The following CENPA variants were observed in gnomAD, a reference collection of about 807,000 sequenced individuals.
CENPA encodes histone H3-like centromeric protein A.
In CENPA, 7 loss-of-function variants were observed where a neutral mutation model predicts 17.2. The observed-to-expected ratio is 0.41, with a 90% CI of 0.23 to 0.76. CENPA has a LOEUF of 0.76. Among genes scored for constraint, CENPA ranks in the 30% least tolerant of loss-of-function variants. The pLI is 0.34. For synonymous variants in CENPA, 82 were observed against 77.4 expected (o/e 1.06, Z -0.31); for missense variants, 149 against 193.1 (o/e 0.77, Z 1.35).
At chr2:26,792,733 TC>T in intron 2 of CENPA, 22 bp from the exon 3 acceptor site, 1 of 1,601,802 alleles carries the variant, frequency 6.2e-7, no homozygotes, top group Non-Finnish European at 8.6e-7. Context: ...CTCCTACTCC[TC>T]CCCTTCCCCA....
chr2:26,790,396 G>C, intron 1 of CENPA, among the ~76,000 whole-genome samples: 1 of 151,982 alleles, frequency 6.6e-6, no homozygotes, highest in Non-Finnish European at 1.5e-5. Context: ...GTGCGAGCTT[G>C]GCTCACTGCA....
chr2:26,790,927 GGT>G (rs1664604679), intron 1 of CENPA, among the ~76,000 whole-genome samples: 1 of 152,160 alleles, frequency 6.6e-6, no homozygotes, highest in African/African-American at 2.4e-5. Context: ...TATCGAACTT[GGT>G]GTAGAGTCTC....
chr2:26,788,863 C>T (rs1158207757), intron 1 of CENPA, among the ~76,000 whole-genome samples: 3 of 152,036 alleles, frequency 2.0e-5, no homozygotes, highest in Non-Finnish European at 2.9e-5. Context: ...TTAGTAGAGA[C>T]GGGGTTTCAC....
chr2:26,786,278 C>T lies in CENPA; in HGVS notation c.82C>T (p.Arg28Trp). The change falls in exon 1 of 5, where the codon CGG becomes TGG. Residue 28 changes from arginine (R) to tryptophan (W), a missense_variant. Around this residue, in one of 2 missense-constraint regions of CENPA, gnomAD observed 95 missense variants for 87.5 expected, o/e 1.09. Coordinates refer to ENST00000335756, the MANE Select transcript of CENPA (RefSeq NM_001809.4). ...CCCGACCCCGACCCCCGGCCCCTCCCGGCGGGGCCCCTCCTTAGGTAACCG... is the reference window on the plus strand; with the variant it reads ...CCCGACCCCGACCCCCGGCCCCTCCTGGCGGGGCCCCTCCTTAGGTAACCG... ...PSPTPTPGPS[R>W]RGPSLGASSH... The T allele has an allele frequency of 7.4e-7, 1 of 1,343,146 alleles. No individual in the cohort carries two copies. Among genetic ancestry groups the T allele is most frequent in the Admixed American group, 4.1e-5 (1 of 24,514 alleles). 83.2% of individuals were successfully genotyped at this position (1,343,146 alleles called of 1,614,324 possible). A position where few individuals can be genotyped will look rare whatever the true frequency, so the allele number is the denominator to read the frequency against.
In CENPA at chr2:26,792,111, C is replaced by G; in HGVS notation, c.101-20C>G. 2 of 1,609,806 alleles carry G rather than the reference C, an allele frequency of 1.2e-6. No individual in the cohort carries two copies. Among genetic ancestry groups the G allele is most frequent in the Non-Finnish European group, 1.7e-6 (2 of 1,177,476 alleles). ...GAGGCACCACCTATTTTCCACTGAA[C>G]TTACCTTTCTTTTGCTCAGGCGCTT... On this transcript the variant is annotated intron_variant, in intron 1 of 4. Transcript: ENST00000335756.
intron 1 of CENPA, among the ~76,000 whole-genome samples, chr2:26,790,552 C>T (rs1468776932): frequency 1.3e-5 from 2 of 152,198 alleles, no homozygotes; most frequent in Non-Finnish European, 2.9e-5. Context: ...TCTCGAACTC[C>T]TGACCTCAGG....
intron 1 of CENPA, among the ~76,000 whole-genome samples, chr2:26,787,117 G>A (rs1258289177): frequency 6.6e-6 from 1 of 152,232 alleles, no homozygotes; most frequent in African/African-American, 2.4e-5. Flanking sequence ...TGTTACCCAG[G>A]CTGGTCTCAA....
chr2:26,793,380 T>C, intron 4 of CENPA, 54 bp downstream of exon 4: 3 of 1,493,106 alleles, frequency 2.0e-6, no homozygotes, highest in Non-Finnish European at 2.7e-6. Flanking sequence ...AGTAATTTCC[T>C]TTCTCCATCC....
At chr2:26,792,988 G>T (rs754572151) in intron 3 of CENPA, among the ~76,000 whole-genome samples, 155 bp downstream of exon 3, 1 of 152,150 alleles carries the variant, frequency 6.6e-6, no homozygotes, top group Non-Finnish European at 1.5e-5. Flanking sequence ...TGGATTCTGC[G>T]TGGTGATAGC....
At position 26,793,304 on chromosome 2, in the gene CENPA, A is replaced by C; in HGVS notation, c.*25A>C. On this transcript the variant is annotated 3_prime_UTR_variant, in exon 4 of 5. Coordinates refer to ENST00000335756, the MANE Select transcript of CENPA (RefSeq NM_001809.4). ...AGCTCCTGCACCCAGTGTTTCTGTC[A>C]GTCTTTCCTGCTCAGCCAGGGGGTA... The C allele has an allele frequency of 6.2e-7, 1 of 1,612,296 alleles. No homozygotes were observed. The highest frequency in any genetic ancestry group is 1.1e-5 in the South Asian group (1 of 90,786).
Position 26,786,258 on chromosome 2 carries a change from C to A in CENPA, c.62C>A (p.Thr21Asn). The A allele has an allele frequency of 1.5e-6, 2 of 1,363,382 alleles. No homozygotes were observed. The highest frequency in any genetic ancestry group is 1.7e-5 in the South Asian group (1 of 58,614). The allele number at this position is 1,363,382 out of a possible 1,614,324, so 84.5% of individuals were successfully genotyped here. Reference protein sequence around the residue: ...EAPRRRSPSPTPTPGPSRRGP... With the variant: ...EAPRRRSPSPNPTPGPSRRGP... ...CCGAGGAGGCGCAGCCCGAGCCCGA[C>A]CCCGACCCCCGGCCCCTCCCGGCGG... Residue 21 changes from threonine to asparagine, a missense_variant, in exon 1 of 5, where the codon ACC (threonine) becomes AAC (asparagine). Thr to Asn is a moderately conservative substitution (Grantham distance 65). Coordinates refer to ENST00000335756, the MANE Select transcript of CENPA (RefSeq NM_001809.4).
intron 1 of CENPA, 22 bp from the exon 2 acceptor site, chr2:26,792,109 A>AACTT (rs1455135711): frequency 8.7e-6 from 14 of 1,609,140 alleles, no homozygotes; most frequent in Non-Finnish European, 1.2e-5. Context: ...TTTTCCACTG[A>AACTT]ACTTACCTTT....
intron 4 of CENPA, among the ~76,000 whole-genome samples, 190 bp downstream of exon 4, chr2:26,793,516 T>C (rs769959915): frequency 6.6e-6 from 1 of 152,236 alleles, no homozygotes; most frequent in Non-Finnish European, 1.5e-5. Flanking sequence ...TTCTATTAAA[T>C]AATAACCAGA....
intron 4 of CENPA, 79 bp from the exon 5 acceptor site, chr2:26,793,733 A>G (rs1664663083): frequency 6.6e-6 from 1 of 152,520 alleles, no homozygotes; most frequent in South Asian, 2.1e-4. Context: ...TCTAATAAAA[A>G]CTTTCTCTTT....
Position 26,786,264 on chromosome 2 carries a change from C to A in CENPA, c.68C>A (p.Thr23Asn), listed in dbSNP as rs1326600232. ...PRRRSPSPTP[T>N]PGPSRRGPSL... ...AGGCGCAGCCCGAGCCCGACCCCGACCCCCGGCCCCTCCCGGCGGGGCCCC... is the reference window on the plus strand; with the variant it reads ...AGGCGCAGCCCGAGCCCGACCCCGAACCCCGGCCCCTCCCGGCGGGGCCCC... The change falls in exon 1 of 5, where the codon ACC (threonine) becomes AAC (asparagine). Residue 23 changes from threonine to asparagine, a missense_variant. By Grantham distance (65) the Thr-to-Asn change is moderately conservative (BLOSUM62 0). This residue lies in a region of CENPA where 95 missense variants were observed against 87.5 expected (regional missense o/e 1.09). Coordinates refer to ENST00000335756, the MANE Select transcript of CENPA (RefSeq NM_001809.4). 1 of 1,351,138 alleles carries A rather than the reference C, an allele frequency of 7.4e-7. No individual in the cohort carries two copies. The allele number at this position is 1,351,138 out of a possible 1,614,324, so 83.7% of individuals were successfully genotyped here.
At chr2:26,791,639 T>G (rs1461640043) in intron 1 of CENPA, among the ~76,000 whole-genome samples, 2 of 152,060 alleles carry the variant, frequency 1.3e-5, no homozygotes, top group African/African-American at 4.8e-5. Flanking sequence ...ATTGTACTAG[T>G]CTCTCAGATT....
In CENPA at chr2:26,786,302, C is replaced by G; in HGVS notation, c.100+6C>G. On this transcript the variant is annotated splice_donor_region_variant and intron_variant, in intron 1 of 4. Coordinates refer to ENST00000335756, the MANE Select transcript of CENPA (RefSeq NM_001809.4). ...CCGGCGGGGCCCCTCCTTAGGTAAC[C>G]GGCCGCGGCCCCATCTCGAAGAGGA... The G allele has an allele frequency of 7.6e-7, 1 of 1,318,098 alleles. No homozygotes were observed. Among genetic ancestry groups the G allele is most frequent in the Non-Finnish European group, 9.7e-7 (1 of 1,035,202 alleles). The allele number at this position is 1,318,098 out of a possible 1,614,324, so 81.7% of individuals were successfully genotyped here. A position where few individuals can be genotyped will look rare whatever the true frequency, so the allele number is the denominator to read the frequency against.
chr2:26,791,353 A>T (rs1433385061), intron 1 of CENPA, among the ~76,000 whole-genome samples: 1 of 152,246 alleles, frequency 6.6e-6, no homozygotes, highest in Non-Finnish European at 1.5e-5. Context: ...AACACAGGTT[A>T]GTTAGAAGAA....
chr2:26,791,774 C>T (rs184102517), intron 1 of CENPA, among the ~76,000 whole-genome samples: 3 of 152,310 alleles, frequency 2.0e-5, no homozygotes, highest in Admixed American at 2.0e-4. Context: ...GGCGGTCACC[C>T]ATCTGTTTGG....
Sources: gnomAD v4.1 joint callset for allele counts (sites outside exome capture counted in the v4.1 genomes callset) on GRCh38, gnomAD v4.1.1 for gene constraint, gnomAD v4.1.1 regional missense constraint, MANE v1.5 for transcripts, NCBI Gene and HGNC (gene_info 2026-07-23, HGNC 2026-07-21) for gene names.